The following CKAP5 variants were observed in gnomAD, a reference collection of about 807,000 sequenced individuals.
CKAP5 encodes the protein cytoskeleton-associated protein 5.
A neutral mutation model predicts 232.8 loss-of-function variants in CKAP5; 27 were observed. That is an observed-to-expected ratio of 0.12 (90% CI 0.09 to 0.16). The LOEUF is 0.16. Ranked by LOEUF, CKAP5 falls within the 10% of genes least tolerant of loss-of-function variation. The probability of loss-of-function intolerance (pLI) is 1.00; values close to 1 mark genes in which losing one functional copy is unlikely to be tolerated. For synonymous variants in CKAP5, 785 were observed against 841.1 expected (o/e 0.93, Z 1.16); for missense variants, 1,838 against 2,424.7 (o/e 0.76, Z 5.08).
chr11:46,817,048 G>A (rs1332520138), intron 3 of CKAP5, among the ~76,000 whole-genome samples: 1 of 151,602 alleles, frequency 6.6e-6, no homozygotes, highest in Admixed American at 6.6e-5. Context: ...GGAGGTTGTG[G>A]TGAGCCAAGA....
intron 1 of CKAP5, among the ~76,000 whole-genome samples, chr11:46,837,252 G>T (rs1303568783): frequency 6.6e-6 from 1 of 152,186 alleles, no homozygotes; most frequent in East Asian, 1.9e-4. Flanking sequence ...TCAAAGATCA[G>T]CAAGGGGAGG....
intron 37 of CKAP5, 57 bp downstream of exon 37, chr11:46,753,253 A>C: frequency 1.4e-6 from 2 of 1,386,860 alleles, no homozygotes; most frequent in Non-Finnish European, 2.0e-6. Context: ...TATGGTTTCT[A>C]AGTGTAAACA....
chr11:46,808,133 T>A lies in CKAP5; in HGVS notation c.876A>T (p.Lys292Asn). 1 of 1,608,632 alleles carries A rather than the reference T, an allele frequency of 6.2e-7. No individual in the cohort carries two copies. Among genetic ancestry groups the A allele is most frequent in the Non-Finnish European group, 8.5e-7 (1 of 1,176,894 alleles). ...KDFYDKIEAKKWQERKEALES... is the reference protein window; with the variant it reads ...KDFYDKIEAKNWQERKEALES... ...CCAGGGCCTCTTTTCTCTCTTGCCA[T>A]TTTTTTGCCTCCTGCAAGATACAAT... Residue 292 changes from lysine (K) to asparagine (N), a missense_variant, in exon 8 of 44, where the codon AAA becomes AAT. By Grantham distance (94) the Lys-to-Asn change is moderately conservative. Transcript: ENST00000529230.
At chr11:46,788,411 C>A (rs1311719313) in intron 16 of CKAP5, among the ~76,000 whole-genome samples, 1 of 152,182 alleles carries the variant, frequency 6.6e-6, no homozygotes, top group East Asian at 1.9e-4. Flanking sequence ...CGCGTCTCTA[C>A]TAAAAATACA....
intron 1 of CKAP5, among the ~76,000 whole-genome samples, chr11:46,845,379 CATT>C (rs1358938139): frequency 3.3e-5 from 5 of 152,190 alleles, no homozygotes; most frequent in Admixed American, 6.5e-5. Context: ...ATAAAAAACT[CATT>C]GTTAAGATTC....
chr11:46,753,334 T>C lies in CKAP5; in HGVS notation c.5033A>G (p.Lys1678Arg). ...VNLLVVKVLEKSDQTNILSAL... is the reference protein window; with the variant it reads ...VNLLVVKVLERSDQTNILSAL... ...CCTCAGGATGTTGGTCTGGTCTGAC[T>C]TCTCCAGAACCTTCACCACCAAGAG... Residue 1678 changes from lysine (K) to arginine (R), a missense_variant, in exon 37 of 44, where the codon AAG becomes AGG. Physicochemically the swap from Lys to Arg is conservative, Grantham distance 26 (BLOSUM62 2). Transcript: ENST00000529230. The C allele has an allele frequency of 3.1e-6, 5 of 1,611,984 alleles. No individual in the cohort carries two copies. The highest frequency in any genetic ancestry group is 4.2e-6 in the Non-Finnish European group (5 of 1,179,374).
chr11:46,752,271 TATATA>T (rs1305418273), intron 38 of CKAP5, among the ~76,000 whole-genome samples: 1 of 146,152 alleles, frequency 6.8e-6, no homozygotes, highest in Non-Finnish European at 1.5e-5. Context: ...AAGATATACA[TATATA>T]ATACATATAT....
chr11:46,800,863 C>T (rs1409959396), intron 9 of CKAP5, among the ~76,000 whole-genome samples: 2 of 152,080 alleles, frequency 1.3e-5, no homozygotes, highest in African/African-American at 4.8e-5. Context: ...CTGGTCGTTA[C>T]AAGTTTTGTT....
intron 5 of CKAP5, among the ~76,000 whole-genome samples, chr11:46,810,380 C>T (rs1373833957): frequency 1.3e-5 from 2 of 152,162 alleles, no homozygotes; most frequent in African/African-American, 2.4e-5. Context: ...ACAATTTTGG[C>T]TCACTGCAGC....
At position 46,808,243 on chromosome 11, in the gene CKAP5, T is replaced by TA. The variant is rs1378668888; in HGVS notation, c.865-100dup. On this transcript the variant is annotated intron_variant, in intron 7 of 43. Transcript: ENST00000529230. ...CTAATTCAAAGATACATAATTTTTT[T>TA]AAAAAATTATAAAACTGGCCGGGCG... 7.3e-5 allele frequency: 60 copies of TA among 825,636 alleles called. No individual in the cohort carries two copies. In the East Asian group the frequency reaches 1.1e-3, roughly 15 times the overall value. The allele number at this position is 825,636 out of a possible 1,614,324, so 51.1% of individuals were successfully genotyped here. A position where few individuals can be genotyped will look rare whatever the true frequency, so the allele number is the denominator to read the frequency against.
chr11:46,795,314 C>T (rs1279203980), intron 13 of CKAP5, among the ~76,000 whole-genome samples: 4 of 149,454 alleles, frequency 2.7e-5, no homozygotes, highest in African/African-American at 7.4e-5. Context: ...GGCAACAGAG[C>T]GAGACTCCAT....
At chr11:46,829,975 C>T (rs926733014) in intron 1 of CKAP5, among the ~76,000 whole-genome samples, 1 of 151,480 alleles carries the variant, frequency 6.6e-6, no homozygotes, top group African/African-American at 2.4e-5. Context: ...GTAAATGTTA[C>T]TTTATTTGGA....
At chr11:46,818,525 G>T (rs778887581) in intron 2 of CKAP5, 22 bp from the exon 3 acceptor site, 2 of 1,477,662 alleles carry the variant, frequency 1.4e-6, no homozygotes, top group South Asian at 1.4e-5. Context: ...GTAGTATTTT[G>T]AAACAAAACA....
Position 46,788,746 on chromosome 11 carries a change from T to C in CKAP5, c.1903A>G (p.Met635Val). 1 of 1,609,034 alleles carries C rather than the reference T, an allele frequency of 6.2e-7. No individual in the cohort carries two copies. The highest frequency in any genetic ancestry group is 1.7e-4 in the Middle Eastern group (1 of 6,048). Residue 635 changes from methionine to valine, a missense_variant, in exon 16 of 44, where the codon ATG becomes GTG. Physicochemically the swap from Met to Val is conservative, Grantham distance 21 (BLOSUM62 1). Coordinates refer to ENST00000529230, the MANE Select transcript of CKAP5 (RefSeq NM_001008938.4). The stretch of plus-strand genomic sequence containing the variant: ...ATCCTCACTAATGCCTGGCATGGCA[T>C]TTCAGTTCGGTCCATTAGCTCAACA... Reference protein sequence around the residue: ...KAVELMDRTEMPCQALVRMLA... With the variant: ...KAVELMDRTEVPCQALVRMLA...
chr11:46,830,051 T>TG lies in CKAP5; in HGVS notation c.-37-8784dup, dbSNP rs1476152576. On this transcript the variant is annotated intron_variant, in intron 1 of 43. Transcript: ENST00000529230. The stretch of plus-strand genomic sequence containing the variant: ...GATGGGGGGATTACCCTGGATTGTT[T>TG]GGGTGGGTAAAGGCAATCACATATA... Among the ~76,000 whole-genome samples the TG allele has an allele frequency of 2.0e-5, 3 of 151,966 alleles. No homozygotes were observed. In the East Asian group the frequency reaches 5.8e-4, roughly 29 times the overall value.
intron 27 of CKAP5, among the ~76,000 whole-genome samples, chr11:46,766,334 G>A (rs1056232096): frequency 9.2e-5 from 14 of 152,114 alleles, no homozygotes; most frequent in Non-Finnish European, 1.9e-4. Flanking sequence ...CAAAACACTC[G>A]TGATCTAAAC....
intron 4 of CKAP5, among the ~76,000 whole-genome samples, chr11:46,812,173 A>T (rs1455563919): frequency 6.6e-6 from 1 of 152,096 alleles, no homozygotes; most frequent in Non-Finnish European, 1.5e-5. Context: ...CTCTACAAAA[A>T]TACAAAAATT....
chr11:46,749,856 C>T (rs2065049940), intron 42 of CKAP5, among the ~76,000 whole-genome samples: 1 of 148,978 alleles, frequency 6.7e-6, no homozygotes, highest in South Asian at 2.1e-4. Context: ...GAGGCTGAGG[C>T]AGGAGAATAG....
At chr11:46,756,667 C>T (rs1046972973) in intron 35 of CKAP5, among the ~76,000 whole-genome samples, 2 of 152,146 alleles carry the variant, frequency 1.3e-5, no homozygotes, top group African/African-American at 4.8e-5. Context: ...AGTCGAGAAT[C>T]ATGCACTGCA....
Sources: gnomAD v4.1 joint callset for allele counts (sites outside exome capture counted in the v4.1 genomes callset) on GRCh38, gnomAD v4.1.1 for gene constraint, MANE v1.5 for transcripts, NCBI Gene and HGNC (gene_info 2026-07-23, HGNC 2026-07-21) for gene names.